Variants in KIF20B observed in about 807,000 individuals in gnomAD.
KIF20B encodes the protein kinesin-like protein KIF20B.
A neutral mutation model predicts 232.5 loss-of-function variants in KIF20B; 188 were observed. The ratio of observed to expected loss-of-function variants is 0.81; its 90% CI spans 0.72 to 0.91. The LOEUF (loss-of-function observed/expected upper bound fraction) is 0.91. Ranked by LOEUF, KIF20B falls within the 40% of genes least tolerant of loss-of-function variation. KIF20B has a pLI of 0.00. For missense variants in KIF20B, 2,154 were observed against 2,055.9 expected, an observed-to-expected ratio of 1.05 and a Z score of -0.92; for synonymous variants, 712 against 683.0, an observed-to-expected ratio of 1.04 and a Z score of -0.66.
At position 89,738,036 on chromosome 10, in the gene KIF20B, A is replaced by G. The variant is rs751795677; in HGVS notation, c.3195A>G (p.Lys1065=). ...SSIEAIWEEC[K]EIVKASSKKS... ...TTGAAGCTATTTGGGAAGAATGTAA[A>G]GAGATTGTGAAGGCCTCTTCCAAAA... Residue 1065 remains lysine, a synonymous_variant, in exon 20 of 33, where the codon AAA becomes AAG. Coordinates refer to ENST00000371728, the MANE Select transcript of KIF20B (RefSeq NM_001284259.2). 5 of 1,613,500 alleles carry G rather than the reference A, an allele frequency of 3.1e-6. No individual in the cohort carries two copies. Among genetic ancestry groups the G allele is most frequent in the Non-Finnish European group, 4.2e-6 (5 of 1,179,646 alleles).
chr10:89,728,511 T>G (rs1843239562), intron 17 of KIF20B, among the ~76,000 whole-genome samples: 1 of 150,456 alleles, frequency 6.6e-6, no homozygotes, highest in Admixed American at 6.6e-5. Flanking sequence ...TTTTTTAGTT[T>G]TATTTATTTA....
intron 17 of KIF20B, among the ~76,000 whole-genome samples, chr10:89,728,879 T>C (rs892048425): frequency 6.6e-6 from 1 of 151,140 alleles, no homozygotes; most frequent in African/African-American, 2.4e-5. Flanking sequence ...AAATTCCTCT[T>C]ATATGCTATA....
At chr10:89,772,157 G>T (rs139242234) in intron 31 of KIF20B, among the ~76,000 whole-genome samples, 1 of 151,812 alleles carries the variant, frequency 6.6e-6, no homozygotes, top group African/African-American at 2.4e-5. Flanking sequence ...TATGTACATA[G>T]TAAGGAATTT....
At position 89,709,460 on chromosome 10, in the gene KIF20B, A is replaced by C. The variant is rs756920160; in HGVS notation, c.350A>C (p.Lys117Thr). Reference sequence around the variant, plus strand: ...ATGGCACAGAAATTCAGTTTTTCCAAGGTAAAACTGAAGTGTTTTTGTTTT... The same window carrying C: ...ATGGCACAGAAATTCAGTTTTTCCACGGTAAAACTGAAGTGTTTTTGTTTT... ...GQMAQKFSFSKVFGPATTQKE... is the reference protein window; with the variant it reads ...GQMAQKFSFSTVFGPATTQKE... The change falls in exon 4 of 33, where the codon AAG (lysine) becomes ACG (threonine). Residue 117 changes from lysine (K) to threonine (T), a missense_variant and splice_region_variant. By Grantham distance (78) the Lys-to-Thr change is moderately conservative. Coordinates refer to ENST00000371728, the MANE Select transcript of KIF20B (RefSeq NM_001284259.2). The C allele has an allele frequency of 1.9e-6, 3 of 1,594,060 alleles. No homozygotes were observed. The highest frequency in any genetic ancestry group is 2.6e-6 in the Non-Finnish European group (3 of 1,163,094).
chr10:89,752,043 G>A (rs1387875099), intron 24 of KIF20B, among the ~76,000 whole-genome samples: 1 of 151,994 alleles, frequency 6.6e-6, no homozygotes, highest in Non-Finnish European at 1.5e-5. Context: ...TGATGATAAT[G>A]CCATATGTAC....
At chr10:89,760,838 T>C (rs774022759) in intron 28 of KIF20B, among the ~76,000 whole-genome samples, 1 of 152,174 alleles carries the variant, frequency 6.6e-6, no homozygotes, top group Non-Finnish European at 1.5e-5. Context: ...AATCTCATCT[T>C]AAAAGCAGTA....
intron 19 of KIF20B, among the ~76,000 whole-genome samples, chr10:89,733,887 A>T (rs966315282): frequency 3.3e-5 from 5 of 152,198 alleles, no homozygotes; most frequent in African/African-American, 1.2e-4. Flanking sequence ...TCCCAAGAAC[A>T]TTTAGACAAT....
At chr10:89,712,243 CT>C (rs200863400) in intron 6 of KIF20B, among the ~76,000 whole-genome samples, 1 of 151,514 alleles carries the variant, frequency 6.6e-6, no homozygotes, top group Non-Finnish European at 1.5e-5. Flanking sequence ...TTGTGTTTTT[CT>C]TTTTTTTCTT....
At position 89,727,912 on chromosome 10, in the gene KIF20B, T is replaced by G; in HGVS notation, c.2271+16T>G. On this transcript the variant is annotated intron_variant, in intron 17 of 32. Transcript: ENST00000371728. ...ATCTAATAAGGTAATGCTTTAAGTT[T>G]TATTTTGTCTTGATAAGGTATTTAA... 6.5e-7 allele frequency: 1 copy of G among 1,541,904 alleles called. No homozygotes were observed. Among genetic ancestry groups the G allele is most frequent in the South Asian group, 1.2e-5 (1 of 85,512 alleles).
intron 29 of KIF20B, among the ~76,000 whole-genome samples, chr10:89,766,856 T>C (rs1842372104): frequency 6.6e-6 from 1 of 152,038 alleles, no homozygotes; most frequent in African/African-American, 2.4e-5. Context: ...GTTTTATATT[T>C]ATTTAATTTT....
chr10:89,744,117 C>G (rs975600486), intron 22 of KIF20B, among the ~76,000 whole-genome samples, 190 bp downstream of exon 22: 1 of 151,718 alleles, frequency 6.6e-6, no homozygotes, highest in East Asian at 1.9e-4. Context: ...AGTAGTGACT[C>G]TCTTCTAATG....
intron 24 of KIF20B, among the ~76,000 whole-genome samples, chr10:89,752,261 G>C (rs1344810454): frequency 6.6e-6 from 1 of 151,940 alleles, no homozygotes; most frequent in Non-Finnish European, 1.5e-5. Flanking sequence ...CACTTTCATG[G>C]GCATAGAAAA....
chr10:89,757,040 G>GTGTGTGTGTA (rs1301847520), intron 26 of KIF20B, among the ~76,000 whole-genome samples: 82 of 110,738 alleles, frequency 7.4e-4, no homozygotes, highest in African/African-American at 2.6e-3. Flanking sequence ...GTGTGTGTGT[G>GTGTGTGTGTA]TATATATATA....
chr10:89,710,810 G>T (rs781614600), intron 5 of KIF20B, 151 bp from the exon 6 acceptor site: 9 of 526,210 alleles, frequency 1.7e-5, no homozygotes, highest in Non-Finnish European at 2.7e-5. Flanking sequence ...GAATAACAAA[G>T]TGATGGAAAA....
intron 31 of KIF20B, among the ~76,000 whole-genome samples, chr10:89,769,980 G>A (rs1313950240): frequency 1.3e-5 from 2 of 151,986 alleles, no homozygotes; most frequent in Non-Finnish European, 2.9e-5. Context: ...GCTTACCACA[G>A]ACGTTTCCAA....
At chr10:89,729,083 T>TC in intron 17 of KIF20B, 45 bp from the exon 18 acceptor site, 1 of 1,287,450 alleles carries the variant, frequency 7.8e-7, no homozygotes, top group Non-Finnish European at 1.0e-6. Context: ...ATTCTAGTTA[T>TC]CCTAAAGTAT....
intron 26 of KIF20B, 133 bp from the exon 27 acceptor site, chr10:89,758,573 T>C (rs571257195): frequency 3.8e-6 from 2 of 521,446 alleles, no homozygotes; most frequent in East Asian, 6.6e-5. Flanking sequence ...AAATATTTTA[T>C]CTAGACTACT....
intron 32 of KIF20B, 41 bp downstream of exon 32, chr10:89,772,872 G>A (rs748607009): frequency 2.3e-5 from 35 of 1,511,024 alleles, no homozygotes; most frequent in South Asian, 9.6e-5. Context: ...AGAACTGTTC[G>A]TGTTCTTTTT....
chr10:89,741,407 T>G (rs1589869921), intron 21 of KIF20B, among the ~76,000 whole-genome samples: 1 of 152,298 alleles, frequency 6.6e-6, no homozygotes, highest in East Asian at 1.9e-4. Flanking sequence ...TGTGGCCAGG[T>G]GGTTGAGGCT....
Sources: allele counts gnomAD v4.1 joint callset (sites outside exome capture counted in the v4.1 genomes callset), GRCh38; gene constraint gnomAD v4.1.1; transcripts MANE v1.5; gene names NCBI Gene and HGNC (gene_info 2026-07-23, HGNC 2026-07-21).